The following BLTP3B variants were observed in gnomAD, a reference collection of about 807,000 sequenced individuals.
The protein encoded by BLTP3B is bridge-like lipid transfer protein family member 3B, also known as UHRF1 (ICBP90) binding protein 1-like.
chr12:100,102,727 T>G, the BLTP3B span: 40 of 1,181,074 alleles, frequency 3.4e-5, no homozygotes, highest in Non-Finnish European at 4.4e-5. Flanking sequence ...TTTAATGTCC[T>G]GTTATTGGCA....
chr12:100,073,259 G>A, the BLTP3B span, among the ~76,000 whole-genome samples: 2 of 151,866 alleles, frequency 1.3e-5, no homozygotes, highest in African/African-American at 4.8e-5. Context: ...TACAGTTTCT[G>A]CTTGAGATAA....
the BLTP3B span, among the ~76,000 whole-genome samples, chr12:100,094,721 G>A: frequency 2.8e-4 from 42 of 152,190 alleles, no homozygotes; most frequent in Admixed American, 1.7e-3. Flanking sequence ...TTAGCTCAGC[G>A]AGGTGGCACT....
chr12:100,068,699 C>G, the BLTP3B span, among the ~76,000 whole-genome samples: 2 of 152,120 alleles, frequency 1.3e-5, no homozygotes, highest in East Asian at 3.9e-4. Context: ...AATGAGTAGA[C>G]AGTTCTCAAA....
the BLTP3B span, among the ~76,000 whole-genome samples, chr12:100,125,053 CG>C: frequency 1.0e-4 from 14 of 134,362 alleles, 1 homozygote; most frequent in Admixed American, 7.0e-4. Flanking sequence ...GCATTGAGGC[CG>C]GGCACAGTGG....
the BLTP3B span, among the ~76,000 whole-genome samples, chr12:100,088,686 T>A: frequency 3.3e-5 from 5 of 152,254 alleles, no homozygotes; most frequent in African/African-American, 1.2e-4. Flanking sequence ...CTAATTTTAT[T>A]GTTAGCATTG....
the BLTP3B span, chr12:100,060,029 G>T: frequency 6.3e-7 from 1 of 1,594,998 alleles, no homozygotes. Context: ...TGGCTATAGA[G>T]GTTGGGAGAT....
chr12:100,047,825 A>C, the BLTP3B span: 1 of 1,203,396 alleles, frequency 8.3e-7, no homozygotes, highest in Non-Finnish European at 1.1e-6. Context: ...AAAAAGACAA[A>C]ATCATTTTAA....
At chr12:100,091,267 G>A in the BLTP3B span, among the ~76,000 whole-genome samples, 11 of 138,450 alleles carry the variant, frequency 7.9e-5, no homozygotes, top group African/African-American at 2.7e-4. Flanking sequence ...TCGGTTCACC[G>A]CAACCTCTGC....
the BLTP3B span, chr12:100,103,949 G>C: frequency 2.2e-5 from 35 of 1,596,362 alleles, no homozygotes; most frequent in Non-Finnish European, 2.9e-5. Context: ...TTGTCCATGG[G>C]ATCTACAAAT....
chr12:100,131,593 CAAT>C, the BLTP3B span, among the ~76,000 whole-genome samples: 1 of 151,994 alleles, frequency 6.6e-6, no homozygotes, highest in Non-Finnish European at 1.5e-5. Flanking sequence ...TAAAATAAGT[CAAT>C]AAACTGTCAA....
the BLTP3B span, among the ~76,000 whole-genome samples, chr12:100,082,201 AT>A: frequency 7.9e-5 from 12 of 152,258 alleles, no homozygotes; most frequent in African/African-American, 2.9e-4. Flanking sequence ...GGCTGCACAT[AT>A]GTCTTCTTTT....
the BLTP3B span, among the ~76,000 whole-genome samples, chr12:100,077,977 T>C: frequency 6.6e-6 from 1 of 152,144 alleles, no homozygotes; most frequent in Non-Finnish European, 1.5e-5. Context: ...GACTACTGTG[T>C]AATAAGGAAA....
chr12:100,141,722 A>G, the BLTP3B span, among the ~76,000 whole-genome samples: 73 of 152,160 alleles, frequency 4.8e-4, no homozygotes, highest in African/African-American at 1.7e-3. Flanking sequence ...GCTGGTAACA[A>G]CTTGGAACAA....
At chr12:100,073,312 C>A in the BLTP3B span, among the ~76,000 whole-genome samples, 3 of 150,790 alleles carry the variant, frequency 2.0e-5, no homozygotes, top group Admixed American at 2.0e-4. Flanking sequence ...TACACAACAA[C>A]GTGAATGTGC....
At chr12:100,124,190 C>G in the BLTP3B span, among the ~76,000 whole-genome samples, 15 of 151,868 alleles carry the variant, frequency 9.9e-5, no homozygotes, top group Non-Finnish European at 2.2e-4. Flanking sequence ...AGGAGGATCA[C>G]TTGAGCCAAG....
At chr12:100,141,785 T>C in the BLTP3B span, among the ~76,000 whole-genome samples, 2 of 152,268 alleles carry the variant, frequency 1.3e-5, no homozygotes, top group East Asian at 3.9e-4. Flanking sequence ...CCAAGAGCAG[T>C]AACAAACTGC....
chr12:100,134,325 C>A, the BLTP3B span, among the ~76,000 whole-genome samples: 1 of 152,150 alleles, frequency 6.6e-6, no homozygotes, highest in Non-Finnish European at 1.5e-5. Flanking sequence ...AACATTTGGG[C>A]TGGGCGCAGT....
chr12:100,140,342 C>T, the BLTP3B span, among the ~76,000 whole-genome samples: 1 of 150,466 alleles, frequency 6.6e-6, no homozygotes, highest in Non-Finnish European at 1.5e-5. Context: ...AAAAACTCAT[C>T]TCTGAAAAAA....
chr12:100,063,919 T>C, the BLTP3B span, among the ~76,000 whole-genome samples: 11 of 152,026 alleles, frequency 7.2e-5, no homozygotes, highest in African/African-American at 2.4e-4. Flanking sequence ...TCACCAGCAA[T>C]GGACCCAAAC....
Sources: allele counts gnomAD v4.1 joint callset (sites outside exome capture counted in the v4.1 genomes callset), GRCh38; gene constraint gnomAD v4.1.1; transcripts MANE v1.5; gene names NCBI Gene and HGNC (gene_info 2026-07-23, HGNC 2026-07-21).